Variants in SH3PXD2A observed in about 807,000 individuals in gnomAD.
SH3PXD2A encodes the protein SH3 and PX domains 2A.
A neutral mutation model predicts 115.2 loss-of-function variants in SH3PXD2A; 32 were observed. That is an observed-to-expected ratio of 0.28 (90% CI 0.21 to 0.37). The LOEUF (loss-of-function observed/expected upper bound fraction) is 0.37. SH3PXD2A is among the 10% of genes least tolerant of loss of function. The probability of loss-of-function intolerance (pLI) is 1.00; values close to 1 mark genes in which losing one functional copy is unlikely to be tolerated. For synonymous variants in SH3PXD2A, 610 were observed against 629.1 expected, an observed-to-expected ratio of 0.97 and a Z score of 0.45; for missense variants, 1,328 against 1,498.7, an observed-to-expected ratio of 0.89 and a Z score of 1.88.
chr10:103,845,330 C>CAA (rs371956451), intron 1 of SH3PXD2A, among the ~76,000 whole-genome samples: 2 of 37,844 alleles, frequency 5.3e-5, no homozygotes, highest in African/African-American at 5.5e-5. Flanking sequence ...GACTTCATCT[C>CAA]AAAAAAAAAA....
intron 1 of SH3PXD2A, among the ~76,000 whole-genome samples, chr10:103,846,402 T>C (rs558200300): frequency 3.9e-5 from 6 of 152,366 alleles, no homozygotes; most frequent in African/African-American, 1.4e-4. Flanking sequence ...CTAGAAGAGA[T>C]CTTCACTAAG....
intron 6 of SH3PXD2A, among the ~76,000 whole-genome samples, chr10:103,691,898 C>T (rs1020874094): frequency 4.6e-5 from 7 of 152,152 alleles, no homozygotes; most frequent in Admixed American, 2.0e-4. Context: ...CCAATAGGCA[C>T]GTGAGCAAGC....
chr10:103,812,173 A>G (rs1018642446), intron 1 of SH3PXD2A, among the ~76,000 whole-genome samples: 1 of 152,156 alleles, frequency 6.6e-6, no homozygotes, highest in Non-Finnish European at 1.5e-5. Flanking sequence ...CAATCCTGCC[A>G]CCACCCTCTG....
At chr10:103,767,319 A>C in intron 2 of SH3PXD2A, 150 bp from the exon 3 acceptor site, 1 of 641,084 alleles carries the variant, frequency 1.6e-6, no homozygotes, top group Non-Finnish European at 2.9e-6. Context: ...ATGATTAACA[A>C]ACCACATGGG....
chr10:103,770,219 T>C (rs763135300), intron 2 of SH3PXD2A, among the ~76,000 whole-genome samples: 4 of 152,218 alleles, frequency 2.6e-5, no homozygotes, highest in Non-Finnish European at 4.4e-5. Context: ...AATGTTCTTT[T>C]TTCTTAAGAG....
intron 6 of SH3PXD2A, among the ~76,000 whole-genome samples, chr10:103,690,205 A>C (rs2037729922): frequency 6.6e-6 from 1 of 152,122 alleles, no homozygotes; most frequent in Admixed American, 6.5e-5. Flanking sequence ...CACATAGTAG[A>C]TGCTCATTCG....
chr10:103,715,701 A>T (rs1253271168), intron 5 of SH3PXD2A, among the ~76,000 whole-genome samples: 2 of 152,252 alleles, frequency 1.3e-5, no homozygotes, highest in Non-Finnish European at 2.9e-5. Flanking sequence ...CTCTAACTCA[A>T]GAGGCTGGCA....
chr10:103,683,610 C>A (rs1432042317), intron 6 of SH3PXD2A, among the ~76,000 whole-genome samples: 1 of 152,024 alleles, frequency 6.6e-6, no homozygotes, highest in African/African-American at 2.4e-5. Context: ...CACAGTGAGC[C>A]CTGATCGCAC....
intron 2 of SH3PXD2A, among the ~76,000 whole-genome samples, chr10:103,781,392 C>T (rs868774443): frequency 3.9e-5 from 6 of 152,174 alleles, no homozygotes; most frequent in South Asian, 4.1e-4. Context: ...CAAAACTCCA[C>T]GCAGGATGGG....
At chr10:103,820,952 C>A (rs2039373303) in intron 1 of SH3PXD2A, among the ~76,000 whole-genome samples, 1 of 152,160 alleles carries the variant, frequency 6.6e-6, no homozygotes, top group South Asian at 2.1e-4. Context: ...CCTAGCTTTG[C>A]CTCTTAACTG....
At chr10:103,725,859 A>T (rs1037162104) in intron 4 of SH3PXD2A, among the ~76,000 whole-genome samples, 10 of 151,790 alleles carry the variant, frequency 6.6e-5, no homozygotes, top group African/African-American at 2.4e-4. Flanking sequence ...AATAAAAATA[A>T]AAATAAATAA....
chr10:103,728,245 C>T (rs539336417), intron 4 of SH3PXD2A, among the ~76,000 whole-genome samples: 8 of 152,140 alleles, frequency 5.3e-5, no homozygotes, highest in African/African-American at 1.4e-4. Context: ...TGGGATGTGA[C>T]GTGGCACCTA....
rs138095592 is a variant in SH3PXD2A, at chr10:103,642,833, T to C, written c.605-15631A>G. ...GTACATGTACGAGTTTGTATATTTT[T>C]CCCCTTTCTCTCTTTGCTAAAAATG... On this transcript the variant is annotated intron_variant, in intron 8 of 14. Coordinates refer to ENST00000369774, the MANE Select transcript of SH3PXD2A (RefSeq NM_001394015.1). 2.5e-3 allele frequency among the ~76,000 whole-genome samples: 382 copies of C among 152,300 alleles called. 3 individuals are homozygous for C. Among genetic ancestry groups the C allele is most frequent in the Non-Finnish European group, 3.8e-3 (261 of 68,014 alleles).
intron 8 of SH3PXD2A, among the ~76,000 whole-genome samples, chr10:103,632,115 C>T (rs1176366364): frequency 1.3e-5 from 2 of 151,880 alleles, no homozygotes; most frequent in African/African-American, 4.8e-5. Flanking sequence ...TGCAGTGAGC[C>T]GTGATCATAC....
At chr10:103,796,716 ACCCTCGCCT>A (rs955474692) in intron 2 of SH3PXD2A, among the ~76,000 whole-genome samples, 6 of 151,830 alleles carry the variant, frequency 4.0e-5, no homozygotes, top group African/African-American at 7.3e-5. Context: ...TTCTACTTCC[ACCCTCGCCT>A]CTCACACTCA....
chr10:103,844,640 A>G (rs1431581666), intron 1 of SH3PXD2A, among the ~76,000 whole-genome samples: 4 of 152,220 alleles, frequency 2.6e-5, no homozygotes, highest in Non-Finnish European at 5.9e-5. Flanking sequence ...TGTAAGACAC[A>G]GTGATGGTGT....
intron 3 of SH3PXD2A, chr10:103,736,649 G>A: frequency 1.5e-6 from 1 of 684,362 alleles, no homozygotes. Flanking sequence ...TGAGCTGGGA[G>A]TAATGTCCCT....
intron 1 of SH3PXD2A, among the ~76,000 whole-genome samples, chr10:103,850,354 C>G (rs1350572667): frequency 1.3e-5 from 2 of 152,172 alleles, no homozygotes; most frequent in Non-Finnish European, 2.9e-5. Flanking sequence ...GTTCCAACAG[C>G]CTTGAAGGGT....
At chr10:103,681,529 G>A (rs2037607555) in intron 6 of SH3PXD2A, among the ~76,000 whole-genome samples, 1 of 152,218 alleles carries the variant, frequency 6.6e-6, no homozygotes, top group South Asian at 2.1e-4. Context: ...GCACTCTGGG[G>A]GGCCAAGGCA....
Sources: allele counts gnomAD v4.1 joint callset (sites outside exome capture counted in the v4.1 genomes callset), GRCh38; gene constraint gnomAD v4.1.1; transcripts MANE v1.5; gene names NCBI Gene and HGNC (gene_info 2026-07-23, HGNC 2026-07-21).